The following CYRIA variants were observed in gnomAD, a reference collection of about 807,000 sequenced individuals.
CYRIA encodes the protein CYFIP-related Rac1 interactor A.
CYRIA carries 15 observed loss-of-function variants against 43.9 expected under a neutral mutation model. The observed-to-expected ratio is 0.34, with a 90% CI of 0.23 to 0.53. The LOEUF is 0.53. Among genes scored for constraint, CYRIA ranks in the 20% least tolerant of loss-of-function variants. CYRIA has a pLI of 0.94. For missense variants in CYRIA, 236 were observed against 394.2 expected (o/e 0.60, Z 3.40); for synonymous variants, 117 against 136.0 (o/e 0.86, Z 0.97).
At chr2:16,659,983 C>T (rs1316189970) in intron 1 of CYRIA, among the ~76,000 whole-genome samples, 1 of 151,976 alleles carries the variant, frequency 6.6e-6, no homozygotes, top group Non-Finnish European at 1.5e-5. Flanking sequence ...AGCCTTTTAT[C>T]AGGATGCTCA....
At chr2:16,603,283 C>G (rs1668271124) in intron 2 of CYRIA, among the ~76,000 whole-genome samples, 1 of 152,200 alleles carries the variant, frequency 6.6e-6, no homozygotes, top group South Asian at 2.1e-4. Flanking sequence ...TAATGATCTG[C>G]AGGCCAGAGT....
intron 3 of CYRIA, among the ~76,000 whole-genome samples, chr2:16,573,485 T>C (rs1462935940): frequency 6.6e-6 from 1 of 151,870 alleles, no homozygotes; most frequent in Non-Finnish European, 1.5e-5. Flanking sequence ...AGACAGAGAG[T>C]AGAATGTTAT....
rs1478375922 is a variant in CYRIA, at chr2:16,559,336, G to T, written c.837+124C>A. The T allele has an allele frequency of 7.0e-6, 8 of 1,148,696 alleles. No homozygotes were observed. In the South Asian group the frequency reaches 1.3e-4, roughly 19 times the overall value. 71.2% of individuals were successfully genotyped at this position (1,148,696 alleles called of 1,614,324 possible). ...TTGCTGTGAGGACAGCTGCCAGGAT[G>T]GGCTGTGCATCTTAGAAAGATCACT... is the stretch of plus-strand genomic sequence containing the variant. On this transcript the variant is annotated intron_variant, in intron 10 of 11. Coordinates refer to ENST00000381323, the MANE Select transcript of CYRIA (RefSeq NM_030797.4).
At chr2:16,663,505 G>C (rs574348626) in intron 1 of CYRIA, among the ~76,000 whole-genome samples, 1 of 152,198 alleles carries the variant, frequency 6.6e-6, no homozygotes, top group East Asian at 1.9e-4. Context: ...CCTCACTGGA[G>C]AGGGTCACTG....
intron 2 of CYRIA, among the ~76,000 whole-genome samples, chr2:16,604,599 A>T (rs563424856): frequency 6.6e-6 from 1 of 152,264 alleles, no homozygotes; most frequent in Admixed American, 6.5e-5. Flanking sequence ...AGCTTACAAT[A>T]TATCAATAGG....
In CYRIA at chr2:16,550,726, C is replaced by T. The variant is rs1003316994; in HGVS notation, c.*2210G>A. The T allele has an allele frequency of 4.6e-5, 7 of 152,160 alleles. No individual in the cohort carries two copies. Among genetic ancestry groups the T allele is most frequent in the Non-Finnish European group, 8.8e-5 (6 of 68,024 alleles). The allele number at this position is 152,160 out of a possible 1,614,324, so 9.4% of individuals were successfully genotyped here. On this transcript the variant is annotated 3_prime_UTR_variant, in exon 12 of 12. Transcript: ENST00000381323. The stretch of plus-strand genomic sequence containing the variant: ...CTGAGAGTCAGCTGTGGTAGAGACA[C>T]ACGACATGGGTTCAAGCCCCTCATG...
At chr2:16,645,762 T>C (rs1669802147) in intron 1 of CYRIA, among the ~76,000 whole-genome samples, 1 of 152,220 alleles carries the variant, frequency 6.6e-6, no homozygotes, top group Non-Finnish European at 1.5e-5. Flanking sequence ...AGGAGGATGC[T>C]ACAGTTTATT....
chr2:16,563,096 T>C (rs1346506078), intron 5 of CYRIA, among the ~76,000 whole-genome samples: 2 of 152,204 alleles, frequency 1.3e-5, no homozygotes, highest in East Asian at 1.9e-4. Flanking sequence ...AGTTCTACCT[T>C]GGCCTGCTCT....
At chr2:16,601,725 A>AG (rs1553342775) in intron 2 of CYRIA, among the ~76,000 whole-genome samples, 69 of 151,294 alleles carry the variant, frequency 4.6e-4, no homozygotes, top group African/African-American at 1.5e-3. Flanking sequence ...AAAAAAAAAA[A>AG]AGAGAGAATT....
chr2:16,587,924 A>G (rs747408651), intron 3 of CYRIA, 126 bp downstream of exon 3: 2 of 587,506 alleles, frequency 3.4e-6, no homozygotes, highest in Non-Finnish European at 5.9e-6. Flanking sequence ...CAGCATGAGA[A>G]CAGACTAATA....
intron 3 of CYRIA, among the ~76,000 whole-genome samples, chr2:16,567,864 G>A (rs1466579083): frequency 6.6e-6 from 1 of 151,660 alleles, no homozygotes; most frequent in South Asian, 2.1e-4. Context: ...GGAAAGAGTG[G>A]AAACAGTTAC....
chr2:16,629,246 C>CATCATGCGT (rs1438280600), intron 1 of CYRIA, among the ~76,000 whole-genome samples: 2 of 152,216 alleles, frequency 1.3e-5, no homozygotes, highest in East Asian at 1.9e-4. Context: ...AGCAGGCACC[C>CATCATGCGT]ATCATGCGTG....
intron 1 of CYRIA, among the ~76,000 whole-genome samples, chr2:16,651,270 G>A (rs1669969019): frequency 6.6e-6 from 1 of 152,124 alleles, no homozygotes; most frequent in South Asian, 2.1e-4. Flanking sequence ...CTCGTACCTG[G>A]AGCAACAATC....
At chr2:16,557,243 C>A (rs891941723) in intron 10 of CYRIA, among the ~76,000 whole-genome samples, 2 of 152,110 alleles carry the variant, frequency 1.3e-5, no homozygotes, top group Non-Finnish European at 2.9e-5. Flanking sequence ...TCCCTCTGTC[C>A]TTTTGGGATA....
At chr2:16,633,293 C>G (rs1572191750) in intron 1 of CYRIA, among the ~76,000 whole-genome samples, 1 of 152,278 alleles carries the variant, frequency 6.6e-6, no homozygotes, top group Admixed American at 6.5e-5. Flanking sequence ...CTGAAGTGTT[C>G]TCTGATACCC....
intron 2 of CYRIA, among the ~76,000 whole-genome samples, chr2:16,604,851 G>C (rs1338047051): frequency 6.6e-6 from 1 of 152,150 alleles, no homozygotes; most frequent in Admixed American, 6.5e-5. Context: ...CAAATGTATT[G>C]CCAAGAATCC....
chr2:16,613,747 A>C (rs1205973147), intron 2 of CYRIA, among the ~76,000 whole-genome samples: 1 of 152,234 alleles, frequency 6.6e-6, no homozygotes, highest in Non-Finnish European at 1.5e-5. Flanking sequence ...TATCAAGTTC[A>C]ACATCCTGAA....
intron 1 of CYRIA, among the ~76,000 whole-genome samples, chr2:16,663,595 A>G (rs1467275382): frequency 1.4e-5 from 2 of 147,630 alleles, no homozygotes; most frequent in Non-Finnish European, 3.0e-5. Context: ...GGTCTACTTG[A>G]CTCTGGGTCC....
chr2:16,611,754 G>A (rs890751435), intron 2 of CYRIA, among the ~76,000 whole-genome samples: 1 of 141,926 alleles, frequency 7.0e-6, no homozygotes, highest in Non-Finnish European at 1.5e-5. Flanking sequence ...GAGATCACAC[G>A]TACTGGGCGG....
Sources: allele counts gnomAD v4.1 joint callset (sites outside exome capture counted in the v4.1 genomes callset), GRCh38; gene constraint gnomAD v4.1.1; transcripts MANE v1.5; gene names NCBI Gene and HGNC (gene_info 2026-07-23, HGNC 2026-07-21).